The following SGCZ variants were observed in gnomAD, a reference collection of about 807,000 sequenced individuals.
SGCZ encodes sarcoglycan zeta.
In SGCZ, 40 loss-of-function variants were observed where a neutral mutation model predicts 41.3. That is an observed-to-expected ratio of 0.97 (90% CI 0.75 to 1.26). The LOEUF is 1.26. SGCZ is among the 50% of genes most tolerant of loss of function. The pLI, the probability that SGCZ is intolerant of heterozygous loss-of-function variation, is 0.00. For synonymous variants in SGCZ, 206 were observed against 137.5 expected, an observed-to-expected ratio of 1.50 and a Z score of -3.49; for missense variants, 552 against 369.8, an observed-to-expected ratio of 1.49 and a Z score of -4.04.
chr8:14,422,615 G>T (rs1289890181), intron 2 of SGCZ, among the ~76,000 whole-genome samples: 1 of 152,170 alleles, frequency 6.6e-6, no homozygotes, highest in African/African-American at 2.4e-5. Flanking sequence ...GTATAAAAAA[G>T]AATGCTCTAA....
At chr8:14,241,586 A>G (rs978372625) in intron 3 of SGCZ, among the ~76,000 whole-genome samples, 1 of 149,928 alleles carries the variant, frequency 6.7e-6, no homozygotes, top group Non-Finnish European at 1.5e-5. Context: ...TGATGTAGTT[A>G]TTTTTCCTCC....
chr8:14,198,006 A>G (rs1474121847), intron 4 of SGCZ, among the ~76,000 whole-genome samples: 2 of 152,192 alleles, frequency 1.3e-5, no homozygotes, highest in African/African-American at 4.8e-5. Flanking sequence ...TTACACTGGA[A>G]AGGGATTATT....
At chr8:14,586,942 A>G (rs1484692984) in intron 1 of SGCZ, among the ~76,000 whole-genome samples, 1 of 152,172 alleles carries the variant, frequency 6.6e-6, no homozygotes, top group African/African-American at 2.4e-5. Context: ...ATACAAGGTC[A>G]TGTCATCATA....
At chr8:14,351,214 T>A (rs555253459) in intron 2 of SGCZ, among the ~76,000 whole-genome samples, 2 of 152,198 alleles carry the variant, frequency 1.3e-5, no homozygotes, top group Non-Finnish European at 1.5e-5. Context: ...ACCGGTATTG[T>A]AAGATAAGCC....
chr8:14,471,747 C>T (rs965229371), intron 2 of SGCZ, among the ~76,000 whole-genome samples: 4 of 152,006 alleles, frequency 2.6e-5, no homozygotes, highest in Admixed American at 2.0e-4. Flanking sequence ...TTTAACAGCA[C>T]TGAATTTAAG....
chr8:14,177,718 G>A (rs1248659162), intron 4 of SGCZ, among the ~76,000 whole-genome samples: 3 of 144,258 alleles, frequency 2.1e-5, no homozygotes, highest in Non-Finnish European at 4.5e-5. Context: ...TAGAGACGGG[G>A]TTTCACCGTG....
chr8:15,114,913 AT>A (rs1055225849), intron 1 of SGCZ, among the ~76,000 whole-genome samples: 6 of 152,048 alleles, frequency 3.9e-5, no homozygotes, highest in Non-Finnish European at 8.8e-5. Flanking sequence ...AAAAGAGAAA[AT>A]TTTTCATTCA....
chr8:14,607,963 C>A (rs755824678), intron 1 of SGCZ, among the ~76,000 whole-genome samples: 1 of 152,138 alleles, frequency 6.6e-6, no homozygotes, highest in Non-Finnish European at 1.5e-5. Flanking sequence ...AAGACAAAAA[C>A]CAGCTATTTG....
At chr8:14,356,679 T>C (rs938258318) in intron 2 of SGCZ, among the ~76,000 whole-genome samples, 2 of 152,036 alleles carry the variant, frequency 1.3e-5, no homozygotes, top group African/African-American at 2.4e-5. Context: ...GGCATAATTT[T>C]GAACATTTGA....
At position 14,402,675 on chromosome 8, in the gene SGCZ, T is replaced by C. The variant is rs1481377262; in HGVS notation, c.235-78471A>G. 2.1e-5 allele frequency among the ~76,000 whole-genome samples: 3 copies of C among 144,464 alleles called. No homozygotes were observed. The East Asian group carries it at 5.9e-4, about 29-fold the overall frequency. The allele number at this position is 144,464 out of a possible 152,430, so 94.8% of individuals were successfully genotyped here. On this transcript the variant is annotated intron_variant, in intron 2 of 7. Coordinates refer to ENST00000382080, the MANE Select transcript of SGCZ (RefSeq NM_139167.4). The stretch of plus-strand genomic sequence containing the variant: ...CTCTGTTTTGGTACCAGTACCACGG[T>C]GTTTTGGTTACTATAGCCTTGTAGT...
chr8:14,396,682 A>G (rs1209980097), intron 2 of SGCZ, among the ~76,000 whole-genome samples: 1 of 151,818 alleles, frequency 6.6e-6, no homozygotes, highest in Non-Finnish European at 1.5e-5. Flanking sequence ...CTCCCTTCAA[A>G]TTCTTCAGGG....
chr8:14,362,702 C>G (rs1391841892), intron 2 of SGCZ, among the ~76,000 whole-genome samples: 1 of 152,134 alleles, frequency 6.6e-6, no homozygotes, highest in Non-Finnish European at 1.5e-5. Context: ...CGGGCTGCAC[C>G]CACTCACCAA....
At chr8:14,234,602 A>AT (rs1295738601) in intron 4 of SGCZ, among the ~76,000 whole-genome samples, 4 of 151,990 alleles carry the variant, frequency 2.6e-5, no homozygotes, top group Admixed American at 6.6e-5. Context: ...TTGTGTGCTA[A>AT]TTTTTTTAAT....
At chr8:14,381,499 G>A (rs1441238636) in intron 2 of SGCZ, among the ~76,000 whole-genome samples, 2 of 151,938 alleles carry the variant, frequency 1.3e-5, no homozygotes, top group Non-Finnish European at 2.9e-5. Flanking sequence ...TAGCAGCCAG[G>A]CACGGTGACT....
At chr8:14,432,747 C>G (rs1050981684) in intron 2 of SGCZ, among the ~76,000 whole-genome samples, 1 of 151,946 alleles carries the variant, frequency 6.6e-6, no homozygotes, top group African/African-American at 2.4e-5. Context: ...AACTCTATTT[C>G]TGCTAAAAAT....
intron 1 of SGCZ, among the ~76,000 whole-genome samples, chr8:14,999,461 C>T (rs1044167087): frequency 6.6e-6 from 1 of 151,900 alleles, no homozygotes; most frequent in African/African-American, 2.4e-5. Flanking sequence ...AAAAGTTCTC[C>T]AATAAAAAAG....
intron 1 of SGCZ, among the ~76,000 whole-genome samples, chr8:14,682,148 A>C (rs117257282): frequency 0.029 from 4,351 of 152,222 alleles, 99 homozygotes; most frequent in Non-Finnish European, 0.046. Context: ...AAGGCTGGAA[A>C]GGTTCAGAGA....
In SGCZ at chr8:14,515,709, G is replaced by A. The variant is rs138989016; in HGVS notation, c.234+39023C>T. On this transcript the variant is annotated intron_variant, in intron 2 of 7. Coordinates refer to ENST00000382080, the MANE Select transcript of SGCZ (RefSeq NM_139167.4). Reference sequence around the variant, plus strand: ...CTGTGTCGTGCTTTAAAATATTGACGAAAGTTGTCCATTGAAATTCAAGGT... The same window carrying A: ...CTGTGTCGTGCTTTAAAATATTGACAAAAGTTGTCCATTGAAATTCAAGGT... Among the ~76,000 whole-genome samples the A allele has an allele frequency of 7.0e-3, 1,063 of 152,114 alleles. 13 individuals are homozygous for A. The highest frequency in any genetic ancestry group is 0.024 in the African/African-American group (1,015 of 41,536).
At chr8:14,750,599 T>C (rs1799469299) in intron 1 of SGCZ, among the ~76,000 whole-genome samples, 1 of 152,174 alleles carries the variant, frequency 6.6e-6, no homozygotes, top group Non-Finnish European at 1.5e-5. Flanking sequence ...AATGATATGG[T>C]GTTTTTTTAA....
Sources: gnomAD v4.1 joint callset for allele counts (sites outside exome capture counted in the v4.1 genomes callset) on GRCh38, gnomAD v4.1.1 for gene constraint, MANE v1.5 for transcripts, NCBI Gene and HGNC (gene_info 2026-07-23, HGNC 2026-07-21) for gene names.